MLXIP: variants seen among roughly 807,000 people sequenced by gnomAD.
MLXIP encodes MLX interacting protein.
Under a neutral mutation model 87.2 loss-of-function variants are expected in MLXIP, and 30 were observed. The observed-to-expected ratio is 0.34, with a 90% CI of 0.26 to 0.47. The LOEUF (loss-of-function observed/expected upper bound fraction) is 0.47. MLXIP is among the 20% of genes least tolerant of loss of function. MLXIP has a pLI of 1.00. For synonymous variants in MLXIP, 530 were observed against 514.0 expected (o/e 1.03, Z -0.42); for missense variants, 1,002 against 1,240.1 (o/e 0.81, Z 2.88).
intron 1 of MLXIP, among the ~76,000 whole-genome samples, chr12:122,083,444 C>T (rs578024914): frequency 2.0e-5 from 3 of 150,660 alleles, no homozygotes; most frequent in Non-Finnish European, 4.4e-5. Context: ...GACGGAGTTT[C>T]GCTCATGTTG....
rs1017429842 is a variant in MLXIP at position 122,078,862 on chromosome 12, C to G, written c.9C>G (p.Ala3=). MA[A]DVFMCSPRRP... The stretch of plus-strand genomic sequence containing the variant: ...CCGGCCGAGCCCTTCTCATGGCCGC[C>G]GACGTCTTCATGTGCTCCCCGCGCC... Residue 3 remains alanine, a synonymous_variant, in exon 1 of 17, where the codon GCC becomes GCG. Coordinates refer to ENST00000319080, the MANE Select transcript of MLXIP (RefSeq NM_014938.6). 9.1e-7 allele frequency: 1 copy of G among 1,095,952 alleles called. No individual in the cohort carries two copies. Among genetic ancestry groups the G allele is most frequent in the Non-Finnish European group, 1.1e-6 (1 of 899,524 alleles). The allele number at this position is 1,095,952 out of a possible 1,614,324, so 67.9% of individuals were successfully genotyped here.
Position 122,133,109 on chromosome 12 carries a change from G to A in MLXIP, c.1093-239G>A. The A allele has an allele frequency of 2.2e-6, 1 of 449,934 alleles. No individual in the cohort carries two copies. The highest frequency in any genetic ancestry group is 3.9e-6 in the Non-Finnish European group (1 of 257,368). The allele number at this position is 449,934 out of a possible 1,614,324, so 27.9% of individuals were successfully genotyped here. On this transcript the variant is annotated intron_variant, in intron 8 of 16. Coordinates refer to ENST00000319080, the MANE Select transcript of MLXIP (RefSeq NM_014938.6). The surrounding 1 kb of genome is among the most constrained non-coding windows in gnomAD (Gnocchi z 4.9). Reference sequence around the variant, plus strand: ...TATTCCCAGGCTGCTAGCCAGCTGTGTGAGGGCCGTTGCCTTATCTGAGCT... The same window carrying A: ...TATTCCCAGGCTGCTAGCCAGCTGTATGAGGGCCGTTGCCTTATCTGAGCT...
At chr12:122,136,812 G>A (rs1953101662) in intron 11 of MLXIP, 1 of 152,346 alleles carries the variant, frequency 6.6e-6, no homozygotes, top group East Asian at 1.9e-4. Context: ...AGAAACAAGA[G>A]AGTTGGGAGT....
In MLXIP at chr12:122,121,010, G is replaced by GTTTTTTTTTTTTTTT. The variant is rs1233404015; in HGVS notation, c.414-6242_414-6228dup. On this transcript the variant is annotated intron_variant, in intron 1 of 16. Coordinates refer to ENST00000319080, the MANE Select transcript of MLXIP (RefSeq NM_014938.6). ...AGCCCCAGAGCCCTCTGCATGCTTGGTTTTTTTTTTTTTTTTTTGAAACGG... is the reference window on the plus strand; with the variant it reads ...AGCCCCAGAGCCCTCTGCATGCTTGGTTTTTTTTTTTTTTTTTTTTTTTTTTTTTTTTTGAAACGG... Among the ~76,000 whole-genome samples, 24 of 111,894 alleles carry GTTTTTTTTTTTTTTT rather than the reference G, an allele frequency of 2.1e-4. 1 individual carries two copies. Among genetic ancestry groups the GTTTTTTTTTTTTTTT allele is most frequent in the South Asian group, 2.8e-4 (1 of 3,510 alleles). The allele number at this position is 111,894 out of a possible 152,430, so 73.4% of individuals were successfully genotyped here.
chr12:122,079,264 C>T lies in MLXIP; in HGVS notation c.411C>T (p.Tyr137=). The T allele has an allele frequency of 6.5e-7, 1 of 1,549,734 alleles. No individual in the cohort carries two copies. The highest frequency in any genetic ancestry group is 8.7e-7 in the Non-Finnish European group (1 of 1,146,094). ...TKLFECMTLA[Y]SGKLVSPKWK... is the part of the protein sequence containing the mutation. ...TCTTCGAGTGCATGACTTTGGCCTA[C>T]AGGTAGGGACCCCCGCGACCCCCTG... The change falls in exon 1 of 17, where the codon TAC becomes TAT. Residue 137 remains tyrosine, a splice_region_variant and synonymous_variant. Transcript: ENST00000319080.
intron 1 of MLXIP, among the ~76,000 whole-genome samples, chr12:122,090,484 G>A (rs187301037): frequency 1.9e-3 from 282 of 144,980 alleles, no homozygotes; most frequent in Middle Eastern, 0.011. Context: ...GCAACAGAGC[G>A]AGACTCTGTC....
intron 1 of MLXIP, among the ~76,000 whole-genome samples, chr12:122,095,402 G>A (rs1952336969): frequency 6.6e-6 from 1 of 151,998 alleles, no homozygotes; most frequent in Admixed American, 6.6e-5. Context: ...TTTTGGATCT[G>A]ATTTGGAAAG....
chr12:122,090,991 GT>G (rs371174931), intron 1 of MLXIP, among the ~76,000 whole-genome samples: 42 of 148,514 alleles, frequency 2.8e-4, no homozygotes, highest in African/African-American at 9.9e-4. Flanking sequence ...CTAATGGGTT[GT>G]TTTTTTTTTG....
intron 1 of MLXIP, among the ~76,000 whole-genome samples, chr12:122,102,139 A>G (rs1457350329): frequency 6.6e-6 from 1 of 152,234 alleles, no homozygotes. Flanking sequence ...CAAAAGTTGT[A>G]TTAATTAGAA....
At chr12:122,087,879 T>A (rs1033097815) in intron 1 of MLXIP, among the ~76,000 whole-genome samples, 1 of 152,074 alleles carries the variant, frequency 6.6e-6, no homozygotes, top group African/African-American at 2.4e-5. Flanking sequence ...TGCTGGTGAA[T>A]TGGACCTGGC....
At chr12:122,132,716 T>C (rs1229564385) in intron 8 of MLXIP, 1 of 257,190 alleles carries the variant, frequency 3.9e-6, no homozygotes, top group African/African-American at 2.2e-5. Context: ...ATAACTTCTG[T>C]ATATTTCTTT....
intron 9 of MLXIP, 185 bp downstream of exon 9, chr12:122,134,172 T>C: frequency 4.1e-6 from 3 of 738,084 alleles, no homozygotes; most frequent in Non-Finnish European, 6.1e-6. Context: ...CTAGTCCGTT[T>C]TCTATGCTCT....
Position 122,138,480 on chromosome 12 carries a change from G to A in MLXIP, c.2313G>A (p.Gln771=), listed in dbSNP as rs766781229. ...KTVEYITKLQ[Q]ERGQMQEEAR... is the part of the protein sequence containing the mutation. ...TGGAGTACATCACCAAGCTGCAGCA[G>A]GAGAGAGGCCAGATGCAGGAGGAGG... Residue 771 remains glutamine (Q), a synonymous_variant, in exon 14 of 17, where the codon CAG becomes CAA. Coordinates refer to ENST00000319080, the MANE Select transcript of MLXIP (RefSeq NM_014938.6). The A allele has an allele frequency of 6.2e-7, 1 of 1,613,962 alleles. No individual in the cohort carries two copies.
Position 122,135,491 on chromosome 12 carries a change from T to C in MLXIP, c.1857T>C (p.Ala619=). ...ACCTGTCTCCCATGTCACTGCAGGC[T>C]CCTGGGGTCCCGGAGTTCCACAGCA... ...VVIAPAAIAR[A]PGVPEFHSSI... The change falls in exon 11 of 17, where the codon GCT becomes GCC. Residue 619 remains alanine, a splice_region_variant and synonymous_variant. Coordinates refer to ENST00000319080, the MANE Select transcript of MLXIP (RefSeq NM_014938.6). This position sits in a 1 kb window ranked among gnomAD's most constrained non-coding sequence, Gnocchi z 5.3. 3 of 1,609,764 alleles carry C rather than the reference T, an allele frequency of 1.9e-6. No individual in the cohort carries two copies. Among genetic ancestry groups the C allele is most frequent in the Non-Finnish European group, 2.5e-6 (3 of 1,178,474 alleles).
chr12:122,110,614 A>G (rs1292150839), intron 1 of MLXIP, among the ~76,000 whole-genome samples: 2 of 151,860 alleles, frequency 1.3e-5, no homozygotes, highest in Non-Finnish European at 2.9e-5. Flanking sequence ...TACCAAAAAA[A>G]TTAAAATTTA....
chr12:122,093,677 ATGTGTGCGGTGTTG>A (rs1952288899), intron 1 of MLXIP, among the ~76,000 whole-genome samples: 16 of 117,638 alleles, frequency 1.4e-4, no homozygotes, highest in Non-Finnish European at 1.8e-4. Context: ...TGTGTGGTGT[ATGTGTGCGGTGTTG>A]GTGTGTGGGG....
At position 122,135,293 on chromosome 12, in the gene MLXIP, C is replaced by A; in HGVS notation, c.1802C>A (p.Ala601Asp). The A allele has an allele frequency of 6.2e-7, 1 of 1,613,714 alleles. No individual in the cohort carries two copies. Among genetic ancestry groups the A allele is most frequent in the Non-Finnish European group, 8.5e-7 (1 of 1,179,894 alleles). ...CCTCTGAAGAGAGAAGGGATGTTGG[C>A]CTCCACCGTGTCCCAGTCCAACGTG... ...SGPLKREGMLASTVSQSNVVI... is the reference protein window; with the variant it reads ...SGPLKREGMLDSTVSQSNVVI... Residue 601 changes from alanine to aspartate, a missense_variant, in exon 10 of 17, where the codon GCC becomes GAC. Physicochemically the swap from Ala to Asp is moderately radical, Grantham distance 126 (BLOSUM62 -2). Transcript: ENST00000319080. The surrounding 1 kb of genome is among the most constrained non-coding windows in gnomAD (Gnocchi z 5.3).
Position 122,094,343 on chromosome 12 carries a change from GGTGT to G in MLXIP, c.413+15082_413+15085del, listed in dbSNP as rs1336382458. ...TGTTGGTGTGTGTGTGGTGTGTATG[GGTGT>G]GTGTATGTTTGCGGTGGGTGTATGT... On this transcript the variant is annotated intron_variant, in intron 1 of 16. Coordinates refer to ENST00000319080, the MANE Select transcript of MLXIP (RefSeq NM_014938.6). Among the ~76,000 whole-genome samples, 9 of 139,172 alleles carry G rather than the reference GGTGT, an allele frequency of 6.5e-5. No homozygotes were observed. In the East Asian group the frequency reaches 1.4e-3, roughly 21 times the overall value. The allele number at this position is 139,172 out of a possible 152,430, so 91.3% of individuals were successfully genotyped here.
At chr12:122,120,782 T>G (rs1439167685) in intron 1 of MLXIP, among the ~76,000 whole-genome samples, 1 of 152,044 alleles carries the variant, frequency 6.6e-6, no homozygotes. Flanking sequence ...CAGCACTCAT[T>G]GTACCTGTCC....
Sources: gnomAD v4.1 joint callset for allele counts (sites outside exome capture counted in the v4.1 genomes callset) on GRCh38, gnomAD v4.1.1 for gene constraint, Gnocchi (gnomAD v3.1) non-coding constraint, MANE v1.5 for transcripts, NCBI Gene and HGNC (gene_info 2026-07-23, HGNC 2026-07-21) for gene names.